ACOT11: variants seen among roughly 807,000 people sequenced by gnomAD.
ACOT11 encodes the protein acyl-CoA thioesterase 11.
Under a neutral mutation model 77.5 loss-of-function variants are expected in ACOT11, and 69 were observed. The ratio of observed to expected loss-of-function variants is 0.89; its 90% confidence interval spans 0.73 to 1.09. The LOEUF (loss-of-function observed/expected upper bound fraction) is 1.09, where lower values mean the gene tolerates loss of function less well. Among genes scored for constraint, ACOT11 ranks in the 50% least tolerant of loss-of-function variants. The probability of loss-of-function intolerance (pLI) is 0.00; values close to 1 mark genes in which losing one functional copy is unlikely to be tolerated. For synonymous variants in ACOT11, 279 were observed against 313.0 expected (o/e 0.89, Z 1.15); for missense variants, 766 against 813.7 (o/e 0.94, Z 0.71).
intron 3 of ACOT11, among the ~76,000 whole-genome samples, chr1:54,586,378 C>T (rs1224109396): frequency 1.3e-5 from 2 of 151,966 alleles, no homozygotes; most frequent in African/African-American, 2.4e-5. Flanking sequence ...CCTCTGCTCA[C>T]ATCCTTCCAG....
intron 1 of ACOT11, among the ~76,000 whole-genome samples, chr1:54,563,974 G>T (rs1653644741): frequency 6.6e-6 from 1 of 152,014 alleles, no homozygotes; most frequent in Non-Finnish European, 1.5e-5. Flanking sequence ...GCTGAGGCAG[G>T]AGAATCGCTT....
rs551279901 is a variant in ACOT11, at chr1:54,577,506, T to C, written c.34-7149T>C. Among the ~76,000 whole-genome samples, 112 of 152,322 alleles carry C rather than the reference T, an allele frequency of 7.4e-4. No individual in the cohort carries two copies. In the Middle Eastern group the frequency reaches 0.01, roughly 14 times the overall value. ...TGAATAACCATTCATTTGATAAAGA[T>C]ACATATACAGATATACATATATATC... On this transcript the variant is annotated intron_variant, in intron 1 of 15. Transcript: ENST00000343744.
intron 1 of ACOT11, among the ~76,000 whole-genome samples, chr1:54,562,314 G>T (rs1233334723): frequency 1.0e-4 from 11 of 109,802 alleles, no homozygotes; most frequent in South Asian, 9.9e-4. Flanking sequence ...CCGGGTGGGG[G>T]GGCTGACCCC....
intron 15 of ACOT11, among the ~76,000 whole-genome samples, chr1:54,615,379 G>C (rs955481679): frequency 6.6e-6 from 1 of 152,166 alleles, no homozygotes; most frequent in Non-Finnish European, 1.5e-5. Context: ...TTTTTCCTGA[G>C]GACAATGGGG....
Position 54,603,715 on chromosome 1 carries a change from G to T in ACOT11, c.1086-156G>T, listed in dbSNP as rs559761937. On this transcript the variant is annotated intron_variant, in intron 10 of 15. Coordinates refer to ENST00000343744, the MANE Select transcript of ACOT11 (RefSeq NM_147161.4). ...CCGAGCTGGTGTGCCCTCAGCTGCT[G>T]TGTCCTGTGTGACCATCCAGCCTCC... is the stretch of plus-strand genomic sequence containing the variant. Among the ~76,000 whole-genome samples, 15 of 152,228 alleles carry T rather than the reference G, an allele frequency of 9.9e-5. No individual in the cohort carries two copies. The South Asian group carries it at 2.9e-3, about 29-fold the overall frequency.
intron 1 of ACOT11, among the ~76,000 whole-genome samples, chr1:54,579,240 T>G (rs76029865): frequency 0.12 from 18,113 of 152,108 alleles, 2,561 homozygotes; most frequent in African/African-American, 0.34. Flanking sequence ...CCCTTTTTTT[T>G]TCTTGTCTGC....
intron 8 of ACOT11, 28 bp downstream of exon 8, chr1:54,599,443 G>A (rs376612246): frequency 5.6e-5 from 88 of 1,580,972 alleles, no homozygotes; most frequent in Non-Finnish European, 7.0e-5. Flanking sequence ...GTGCGGCCAC[G>A]TCCATTCAGG....
At chr1:54,602,273 C>T (rs1054251733) in intron 9 of ACOT11, among the ~76,000 whole-genome samples, 5 of 152,236 alleles carry the variant, frequency 3.3e-5, no homozygotes, top group Non-Finnish European at 5.9e-5. Context: ...AGAATGGATA[C>T]AGCACCAGCC....
chr1:54,616,022 T>C, intron 15 of ACOT11: 1 of 1,613,624 alleles, frequency 6.2e-7, no homozygotes, highest in Non-Finnish European at 8.5e-7. Flanking sequence ...GCCCTTACCC[T>C]TTTGGGAAGA....
rs201214706 is a variant in ACOT11, at chr1:54,609,967, T to A, written c.*855T>A. The A allele has an allele frequency of 1.9e-6, 3 of 1,587,594 alleles. No individual in the cohort carries two copies. The highest frequency in any genetic ancestry group is 2.7e-5 in the African/African-American group (2 of 74,608). On this transcript the variant is annotated 3_prime_UTR_variant, in exon 16 of 16. Transcript: ENST00000343744. ...CTGGAAGAGGCGGCAGAGGCAACAGTGTTTAGGATTTGGGTTATCATAAGG... is the reference window on the plus strand; with the variant it reads ...CTGGAAGAGGCGGCAGAGGCAACAGAGTTTAGGATTTGGGTTATCATAAGG...
chr1:54,607,152 G>A lies in ACOT11; in HGVS notation c.1389G>A (p.Gln463=). 6 of 1,614,152 alleles carry A rather than the reference G, an allele frequency of 3.7e-6. No individual in the cohort carries two copies. Among genetic ancestry groups the A allele is most frequent in the Non-Finnish European group, 5.1e-6 (6 of 1,180,012 alleles). ...DKHYRSVELV[Q]QVDEDDAIYH... is the part of the protein sequence containing the mutation. ...CCCACAGGAGCGTGGAGCTAGTGCA[G>A]CAGGTAGACGAGGACGACGCCATCT... Residue 463 remains glutamine, a synonymous_variant, in exon 14 of 16, where the codon CAG becomes CAA. Transcript: ENST00000343744. This position sits in a 1 kb window ranked among gnomAD's most constrained non-coding sequence, Gnocchi z 4.5.
Position 54,607,170 on chromosome 1 carries a change from C to T in ACOT11, c.1407C>T (p.Asp469=), listed in dbSNP as rs1350941603. The T allele has an allele frequency of 1.1e-5, 18 of 1,614,062 alleles. No homozygotes were observed. The highest frequency in any genetic ancestry group is 5.0e-5 in the Admixed American group (3 of 60,012). ...TAGTGCAGCAGGTAGACGAGGACGA[C>T]GCCATCTACCACGTCACCAGCCCTG... ...VELVQQVDED[D]AIYHVTSPAL... The change falls in exon 14 of 16, where the codon GAC becomes GAT. Residue 469 remains aspartate (D), a synonymous_variant. Coordinates refer to ENST00000343744, the MANE Select transcript of ACOT11 (RefSeq NM_147161.4). The surrounding 1 kb of genome is among the most constrained non-coding windows in gnomAD (Gnocchi z 4.5).
chr1:54,578,965 T>C (rs1424349162), intron 1 of ACOT11, among the ~76,000 whole-genome samples: 1 of 152,208 alleles, frequency 6.6e-6, no homozygotes, highest in East Asian at 1.9e-4. Context: ...TTCATAAAAA[T>C]ATTGGTTCAA....
chr1:54,602,664 C>T lies in ACOT11; in HGVS notation c.1030-5C>T, dbSNP rs1330137974. 4.5e-6 allele frequency: 7 copies of T among 1,539,220 alleles called. No homozygotes were observed. The highest frequency in any genetic ancestry group is 6.1e-6 in the Non-Finnish European group (7 of 1,144,166). ...GCTGGTTGCCTATCCCGACTTCCTCCCCAGGATGGTGAGCGGCGGTACCGA... is the reference window on the plus strand; with the variant it reads ...GCTGGTTGCCTATCCCGACTTCCTCTCCAGGATGGTGAGCGGCGGTACCGA... On this transcript the variant is annotated splice_region_variant and splice_polypyrimidine_tract_variant and intron_variant, in intron 9 of 15. Coordinates refer to ENST00000343744, the MANE Select transcript of ACOT11 (RefSeq NM_147161.4).
intron 1 of ACOT11, among the ~76,000 whole-genome samples, chr1:54,552,405 T>G (rs1218992888): frequency 6.6e-6 from 1 of 152,094 alleles, no homozygotes; most frequent in Non-Finnish European, 1.5e-5. Context: ...AGGTGAGACT[T>G]GAACATGTAG....
chr1:54,599,221 TATAA>T (rs1420250592), intron 7 of ACOT11, 71 bp from the exon 8 acceptor site: 1,158 of 97,472 alleles, frequency 0.012, 84 homozygotes, highest in Middle Eastern at 0.042. Flanking sequence ...TATATATATA[TATAA>T]AAATCTGGCC....
exon 17 of ACOT11, chr1:54,638,595 T>A (rs1644343509): frequency 6.6e-6 from 1 of 151,994 alleles, no homozygotes; most frequent in Admixed American, 6.5e-5. Flanking sequence ...TGACTTCAAG[T>A]GATCTGCCCG....
chr1:54,563,114 C>A (rs35166214), intron 1 of ACOT11, among the ~76,000 whole-genome samples: 1 of 152,098 alleles, frequency 6.6e-6, no homozygotes, highest in East Asian at 1.9e-4. Context: ...CGCTGCCTCC[C>A]GGGCGGCGCT....
intron 3 of ACOT11, among the ~76,000 whole-genome samples, chr1:54,586,424 CTT>C (rs58908548): frequency 7.7e-5 from 11 of 143,372 alleles, no homozygotes; most frequent in African/African-American, 2.6e-4. Context: ...CTAAAGTAGA[CTT>C]TTTTTTTTTT....
Sources: gnomAD v4.1 joint callset for allele counts (sites outside exome capture counted in the v4.1 genomes callset) on GRCh38, gnomAD v4.1.1 for gene constraint, Gnocchi (gnomAD v3.1) non-coding constraint, MANE v1.5 for transcripts, NCBI Gene and HGNC (gene_info 2026-07-23, HGNC 2026-07-21) for gene names.